Variants in CCDC186 observed in about 807,000 individuals in gnomAD.
CCDC186 encodes the protein coiled-coil domain containing 186.
Under a neutral mutation model 113.7 loss-of-function variants are expected in CCDC186, and 49 were observed. That is an observed-to-expected ratio of 0.43 (90% CI 0.34 to 0.55). The LOEUF (loss-of-function observed/expected upper bound fraction) is 0.55. Ranked by LOEUF, CCDC186 falls within the 20% of genes least tolerant of loss-of-function variation. CCDC186 has a pLI of 0.02. For missense variants in CCDC186, 890 were observed against 1,011.1 expected, an observed-to-expected ratio of 0.88 and a Z score of 1.62; for synonymous variants, 355 against 345.8, an observed-to-expected ratio of 1.03 and a Z score of -0.30.
chr10:114,156,700 C>A (rs868660589), intron 3 of CCDC186, among the ~76,000 whole-genome samples: 1 of 152,028 alleles, frequency 6.6e-6, no homozygotes, highest in Non-Finnish European at 1.5e-5. Context: ...GAATTCCACC[C>A]TGGGTGACAA....
intron 2 of CCDC186, among the ~76,000 whole-genome samples, chr10:114,160,228 C>T (rs1348427877): frequency 2.0e-5 from 3 of 151,408 alleles, no homozygotes; most frequent in Non-Finnish European, 4.4e-5. Context: ...TGAGGTCGCG[C>T]CACTGCACTC....
chr10:114,126,128 C>T, intron 14 of CCDC186, 23 bp from the exon 15 acceptor site: 1 of 1,579,922 alleles, frequency 6.3e-7, no homozygotes, highest in East Asian at 2.2e-5. Flanking sequence ...ATGATAGTAT[C>T]AGTTGTGTAC....
rs140171648 is a variant in CCDC186 at position 114,127,622 on chromosome 10, A to C, written c.2232T>G (p.Thr744=). The C allele has an allele frequency of 6.4e-4, 1,039 of 1,614,108 alleles. 6 individuals are homozygous for C. In the African/African-American group the frequency reaches 0.012, roughly 19 times the overall value. Residue 744 remains threonine (T), a synonymous_variant, in exon 14 of 16, where the codon ACT becomes ACG. Coordinates refer to ENST00000369287, the MANE Select transcript of CCDC186 (RefSeq NM_018017.4). Reference sequence around the variant, plus strand: ...AGTTATCCACAGCTACTGAGGACCCAGTATTTTCTGGAGATCGATCTTCTG... The same window carrying C: ...AGTTATCCACAGCTACTGAGGACCCCGTATTTTCTGGAGATCGATCTTCTG... The part of the protein sequence containing the change: ...SSAEDRSPEN[T]GSSVAVDNFP...
At position 114,131,020 on chromosome 10, in the gene CCDC186, T is replaced by C. The variant is rs546405243; in HGVS notation, c.2101+127A>G. 430 of 728,214 alleles carry C rather than the reference T, an allele frequency of 5.9e-4. 1 individual carries two copies. The highest frequency in any genetic ancestry group is 7.8e-4 in the Non-Finnish European group (389 of 497,206). The allele number at this position is 728,214 out of a possible 1,614,324, so 45.1% of individuals were successfully genotyped here. ...ATGAAATTCCAAGAAGTTTAACAATTTGGTTTACTAATATTAACAAAGAAA... is the reference window on the plus strand; with the variant it reads ...ATGAAATTCCAAGAAGTTTAACAATCTGGTTTACTAATATTAACAAAGAAA... On this transcript the variant is annotated intron_variant, in intron 12 of 15. Transcript: ENST00000369287.
At position 114,124,525 on chromosome 10, in the gene CCDC186, C is replaced by A. The variant is rs1276961677; in HGVS notation, c.*618G>T. The A allele has an allele frequency of 6.6e-6, 1 of 151,950 alleles. No homozygotes were observed. Among genetic ancestry groups the A allele is most frequent in the African/African-American group, 2.4e-5 (1 of 41,354 alleles). 9.4% of individuals were successfully genotyped at this position (151,950 alleles called of 1,614,324 possible). ...AACAATCAGAATCTGAAAAAATGTA[C>A]CTAAAACAGATAAGAAAACCTGACA... On this transcript the variant is annotated 3_prime_UTR_variant, in exon 16 of 16. Transcript: ENST00000369287.
chr10:114,129,975 T>G lies in CCDC186; in HGVS notation c.2102-4A>C. On this transcript the variant is annotated splice_polypyrimidine_tract_variant and splice_region_variant and intron_variant, in intron 12 of 15. Coordinates refer to ENST00000369287, the MANE Select transcript of CCDC186 (RefSeq NM_018017.4). ...ACCTGATCTAATTTTCTTCGTGCTA[T>G]AGGAAAAAGAAGATTATTCGTCACA... 6.2e-7 allele frequency: 1 copy of G among 1,612,298 alleles called. No homozygotes were observed.
At chr10:114,148,740 T>C (rs976435521) in intron 4 of CCDC186, among the ~76,000 whole-genome samples, 4 of 152,234 alleles carry the variant, frequency 2.6e-5, no homozygotes, top group African/African-American at 4.8e-5. Flanking sequence ...TACTTATTAA[T>C]ATCAGGCCAT....
At position 114,145,733 on chromosome 10, in the gene CCDC186, T is replaced by C. The variant is rs765352110; in HGVS notation, c.917A>G (p.Gln306Arg). 13 of 1,595,870 alleles carry C rather than the reference T, an allele frequency of 8.1e-6. No individual in the cohort carries two copies. In the South Asian group the frequency reaches 1.5e-4, roughly 19 times the overall value. Residue 306 changes from glutamine to arginine, a missense_variant, in exon 5 of 16, where the codon CAA (glutamine) becomes CGA (arginine). Transcript: ENST00000369287. ...QANKKCEEAR[Q>R]EKEAMVMKYV... Reference sequence around the variant, plus strand: ...TTTCATTACCATTGCTTCTTTTTCTTGGCGTGCCTCTTCACATTTCTTGTT... The same window carrying C: ...TTTCATTACCATTGCTTCTTTTTCTCGGCGTGCCTCTTCACATTTCTTGTT...
At chr10:114,166,440 T>C (rs950252787) in intron 1 of CCDC186, among the ~76,000 whole-genome samples, 6 of 152,230 alleles carry the variant, frequency 3.9e-5, no homozygotes, top group Non-Finnish European at 5.9e-5. Context: ...AAATAGTCTC[T>C]CAGGGTAAAT....
At chr10:114,131,498 T>C (rs985957953) in intron 11 of CCDC186, among the ~76,000 whole-genome samples, 162 bp from the exon 12 acceptor site, 1 of 152,138 alleles carries the variant, frequency 6.6e-6, no homozygotes, top group Non-Finnish European at 1.5e-5. Context: ...AGTTCTCATA[T>C]AGAAAAGCAG....
rs1468378182 is a variant in CCDC186 at position 114,174,005 on chromosome 10, A to T, written c.-62+10T>A. On this transcript the variant is annotated intron_variant, in intron 1 of 15. Transcript: ENST00000369287. ...CACCGGTGTGCCCCGAGTACCCCTCAGACACTTACCCCACTTATCCAAGCC... is the reference window on the plus strand; with the variant it reads ...CACCGGTGTGCCCCGAGTACCCCTCTGACACTTACCCCACTTATCCAAGCC... 1.7e-5 allele frequency: 8 copies of T among 470,384 alleles called. No homozygotes were observed. The highest frequency in any genetic ancestry group is 3.3e-4 in the Middle Eastern group (1 of 3,022). 29.1% of individuals were successfully genotyped at this position (470,384 alleles called of 1,614,324 possible).
At chr10:114,161,474 G>C (rs1013719741) in intron 2 of CCDC186, 1 of 152,060 alleles carries the variant, frequency 6.6e-6, no homozygotes, top group Non-Finnish European at 1.5e-5. Context: ...AAAATGGTAA[G>C]AGTCTAGATC....
In CCDC186 at chr10:114,121,325, T is replaced by C. The variant is rs544096417; in HGVS notation, c.*3818A>G. 4.3e-4 allele frequency: 65 copies of C among 152,294 alleles called. No individual in the cohort carries two copies. The highest frequency in any genetic ancestry group is 1.5e-3 in the African/African-American group (63 of 41,582). 9.4% of individuals were successfully genotyped at this position (152,294 alleles called of 1,614,324 possible). On this transcript the variant is annotated 3_prime_UTR_variant, in exon 16 of 16. Transcript: ENST00000369287. ...CATAAAGCATAAATGACAACATGAT[T>C]TATAAAAATATTTTCACCAGGGTAG...
At chr10:114,133,637 C>G (rs1440742459) in intron 10 of CCDC186, among the ~76,000 whole-genome samples, 1 of 151,952 alleles carries the variant, frequency 6.6e-6, no homozygotes, top group Non-Finnish European at 1.5e-5. Context: ...GGAAATGAAG[C>G]CAAAGGAACA....
intron 13 of CCDC186, among the ~76,000 whole-genome samples, chr10:114,129,468 AT>A: frequency 6.6e-6 from 1 of 152,198 alleles, no homozygotes; most frequent in Non-Finnish European, 1.5e-5. Flanking sequence ...ATAATTATAT[AT>A]AACCACAATT....
chr10:114,153,402 A>C (rs979238281), intron 3 of CCDC186, among the ~76,000 whole-genome samples: 3 of 152,220 alleles, frequency 2.0e-5, no homozygotes, highest in African/African-American at 7.2e-5. Flanking sequence ...ATGACTAATA[A>C]AAATGCAAAC....
At chr10:114,170,281 T>G (rs2032454785) in intron 1 of CCDC186, among the ~76,000 whole-genome samples, 1 of 152,162 alleles carries the variant, frequency 6.6e-6, no homozygotes, top group Non-Finnish European at 1.5e-5. Context: ...GAAATAATTT[T>G]TAAAGTAGTC....
rs774331222 is a variant in CCDC186, at chr10:114,137,854, T to A, written c.1222-564A>T. ...GAGTTTGAGACCAGCCTGACCAACA[T>A]GGAGAAACCCCGTCTCTATTAAAAA... On this transcript the variant is annotated intron_variant, in intron 6 of 15. Coordinates refer to ENST00000369287, the MANE Select transcript of CCDC186 (RefSeq NM_018017.4). 4.1e-4 allele frequency among the ~76,000 whole-genome samples: 62 copies of A among 151,396 alleles called. 1 individual carries two copies. Among genetic ancestry groups the A allele is most frequent in the Non-Finnish European group, 1.6e-4 (11 of 67,890 alleles).
chr10:114,164,057 CAAGT>C (rs983253717), intron 1 of CCDC186, among the ~76,000 whole-genome samples: 6 of 125,314 alleles, frequency 4.8e-5, no homozygotes, highest in African/African-American at 1.9e-4. Flanking sequence ...TTAATTTGAC[CAAGT>C]TAGAGTGTGT....
Sources: allele counts gnomAD v4.1 joint callset (sites outside exome capture counted in the v4.1 genomes callset), GRCh38; gene constraint gnomAD v4.1.1; transcripts MANE v1.5; gene names NCBI Gene and HGNC (gene_info 2026-07-23, HGNC 2026-07-21).